MEGF10: variants seen among roughly 807,000 people sequenced by gnomAD.
The protein encoded by MEGF10 is multiple epidermal growth factor-like domains protein 10.
In MEGF10, 86 loss-of-function variants were observed where a neutral mutation model predicts 147.5. That is an observed-to-expected ratio of 0.58 (90% CI 0.49 to 0.70). The LOEUF (loss-of-function observed/expected upper bound fraction) is 0.70, where lower values mean the gene tolerates loss of function less well. Ranked by LOEUF, MEGF10 falls within the 30% of genes least tolerant of loss-of-function variation. The probability of loss-of-function intolerance (pLI) is 0.00; values close to 1 mark genes in which losing one functional copy is unlikely to be tolerated. For synonymous variants in MEGF10, 478 were observed against 525.5 expected (o/e 0.91, Z 1.24); for missense variants, 1,329 against 1,487.3 (o/e 0.89, Z 1.75).
intron 1 of MEGF10, among the ~76,000 whole-genome samples, chr5:127,315,751 G>A (rs756396685): frequency 6.6e-6 from 1 of 152,138 alleles, no homozygotes; most frequent in South Asian, 2.1e-4. Context: ...TCCAGCCTGG[G>A]TGACAGAGTG....
At chr5:127,290,611 C>T (rs1759201324), upstream of MEGF10, among the ~76,000 whole-genome samples, 2 of 152,224 alleles carry the variant, frequency 1.3e-5, no homozygotes, top group Admixed American at 1.3e-4. Flanking sequence ...AGGGGCGACT[C>T]ACGATCGAGG....
chr5:127,284,226 A>C, the MEGF10 span, among the ~76,000 whole-genome samples: 6 of 152,160 alleles, frequency 3.9e-5, no homozygotes, highest in Non-Finnish European at 8.8e-5. Flanking sequence ...ATCTGGGAGG[A>C]GACTCATGGG....
the MEGF10 span, among the ~76,000 whole-genome samples, chr5:127,235,878 T>C: frequency 6.6e-6 from 1 of 152,212 alleles, no homozygotes; most frequent in African/African-American, 2.4e-5. Context: ...TAAATAACAA[T>C]ATACTAACAA....
intron 1 of MEGF10, among the ~76,000 whole-genome samples, chr5:127,304,294 G>A (rs1290680059): frequency 6.6e-6 from 1 of 152,160 alleles, no homozygotes; most frequent in African/African-American, 2.4e-5. Context: ...ATCCTGGCCT[G>A]AGAGAGCCTG....
chr5:127,335,995 A>C (rs1210441680), intron 2 of MEGF10, among the ~76,000 whole-genome samples: 1 of 150,022 alleles, frequency 6.7e-6, no homozygotes, highest in African/African-American at 2.4e-5. Context: ...CCTTTCTCCT[A>C]TAAGCTTAAG....
At chr5:127,367,714 A>G (rs1429022921) in intron 4 of MEGF10, among the ~76,000 whole-genome samples, 3 of 152,198 alleles carry the variant, frequency 2.0e-5, no homozygotes, top group African/African-American at 7.2e-5. Context: ...TTCAAACAGA[A>G]TTTTAGTAGC....
At chr5:127,369,569 A>C (rs1354579434) in intron 4 of MEGF10, among the ~76,000 whole-genome samples, 1 of 152,166 alleles carries the variant, frequency 6.6e-6, no homozygotes, top group African/African-American at 2.4e-5. Context: ...TCGTTTCTCT[A>C]TATAGGCTTC....
intron 1 of MEGF10, among the ~76,000 whole-genome samples, chr5:127,311,842 T>A (rs1760299699): frequency 6.6e-6 from 1 of 152,148 alleles, no homozygotes; most frequent in Non-Finnish European, 1.5e-5. Context: ...GAATGCAACG[T>A]TAAATTCCTG....
chr5:127,428,664 T>C (rs947704662), intron 13 of MEGF10, among the ~76,000 whole-genome samples: 7 of 152,234 alleles, frequency 4.6e-5, no homozygotes, highest in African/African-American at 1.7e-4. Flanking sequence ...ATATGTTTAA[T>C]AGCTTGTTGC....
chr5:127,256,293 G>T, the MEGF10 span, among the ~76,000 whole-genome samples: 19 of 152,092 alleles, frequency 1.2e-4, 1 homozygote, highest in African/African-American at 4.6e-4. Flanking sequence ...ATATTCAAAT[G>T]GATTAATTCT....
At chr5:127,398,368 G>T (rs1296345901) in intron 6 of MEGF10, among the ~76,000 whole-genome samples, 1 of 152,118 alleles carries the variant, frequency 6.6e-6, no homozygotes, top group African/African-American at 2.4e-5. Flanking sequence ...CTTTATAAGT[G>T]TTACATGAGA....
At chr5:127,404,644 C>G (rs1026515337) in intron 8 of MEGF10, among the ~76,000 whole-genome samples, 1 of 151,964 alleles carries the variant, frequency 6.6e-6, no homozygotes, top group Non-Finnish European at 1.5e-5. Flanking sequence ...TGAGAAGAGA[C>G]TTGAGAGGCA....
chr5:127,322,801 C>T (rs1300562057), intron 1 of MEGF10, among the ~76,000 whole-genome samples: 3 of 152,046 alleles, frequency 2.0e-5, no homozygotes, highest in Non-Finnish European at 4.4e-5. Flanking sequence ...TTTTGTGTAT[C>T]ATTGTATGAT....
At chr5:127,298,247 A>G (rs1759596796) in intron 1 of MEGF10, among the ~76,000 whole-genome samples, 2 of 151,762 alleles carry the variant, frequency 1.3e-5, no homozygotes, top group African/African-American at 4.8e-5. Context: ...CTGTCCCTGC[A>G]CTCCTCCTCT....
At chr5:127,302,390 G>A (rs1308398926) in intron 1 of MEGF10, among the ~76,000 whole-genome samples, 2 of 152,182 alleles carry the variant, frequency 1.3e-5, no homozygotes, top group Admixed American at 6.5e-5. Context: ...CACATATTGT[G>A]TGGTTTCACT....
intron 17 of MEGF10, among the ~76,000 whole-genome samples, chr5:127,440,163 G>A (rs980500287): frequency 1.3e-5 from 2 of 152,152 alleles, no homozygotes; most frequent in Non-Finnish European, 2.9e-5. Flanking sequence ...AAATCATGCA[G>A]CAGTGTGAAG....
intron 23 of MEGF10, among the ~76,000 whole-genome samples, chr5:127,454,912 C>T (rs902641103): frequency 3.3e-5 from 5 of 152,054 alleles, no homozygotes; most frequent in East Asian, 1.9e-4. Context: ...GGGAAATAGC[C>T]GGGACAATAA....
At chr5:127,397,601 C>T (rs375523003) in intron 6 of MEGF10, among the ~76,000 whole-genome samples, 6 of 152,182 alleles carry the variant, frequency 3.9e-5, no homozygotes, top group Admixed American at 3.9e-4. Flanking sequence ...TAAACACTTC[C>T]TGCCAACAGT....
Position 127,459,431 on chromosome 5 carries a change from A to G in MEGF10, c.*2113A>G, listed in dbSNP as rs183376722. On this transcript the variant is annotated 3_prime_UTR_variant, in exon 25 of 25. Transcript: ENST00000503335. ...TAGGTGATAGGCATCTAATTGAGAC[A>G]TGTGTGAGTCAATAGCCATCGGGGT... The G allele has an allele frequency of 1.3e-5, 2 of 152,346 alleles. No individual in the cohort carries two copies. Among genetic ancestry groups the G allele is most frequent in the East Asian group, 3.9e-4 (2 of 5,190 alleles). The allele number at this position is 152,346 out of a possible 1,614,324, so 9.4% of individuals were successfully genotyped here.
Sources: allele counts gnomAD v4.1 joint callset (sites outside exome capture counted in the v4.1 genomes callset), GRCh38; gene constraint gnomAD v4.1.1; transcripts MANE v1.5; gene names NCBI Gene and HGNC (gene_info 2026-07-23, HGNC 2026-07-21).